The following TNFRSF10B variants were observed in gnomAD, a reference collection of about 807,000 sequenced individuals.
TNFRSF10B encodes the protein tumor necrosis factor receptor superfamily member 10B.
TNFRSF10B carries 35 observed loss-of-function variants against 41.4 expected under a neutral mutation model. The observed-to-expected ratio is 0.85, with a 90% confidence interval of 0.65 to 1.12. The LOEUF (loss-of-function observed/expected upper bound fraction) is 1.12. Among genes scored for constraint, TNFRSF10B ranks in the 50% most tolerant of loss-of-function variants. The pLI, the probability that TNFRSF10B is intolerant of heterozygous loss-of-function variation, is 0.00. For missense variants in TNFRSF10B, 584 were observed against 552.7 expected, an observed-to-expected ratio of 1.06 and a Z score of -0.57; for synonymous variants, 230 against 215.5, an observed-to-expected ratio of 1.07 and a Z score of -0.59.
At position 23,034,718 on chromosome 8, in the gene TNFRSF10B, C is replaced by A. The variant is rs1014468047; in HGVS notation, c.251-3846G>T. On this transcript the variant is annotated intron_variant, in intron 2 of 8. Transcript: ENST00000276431. ...TCCAGCCTGGGTGACAGAGTGATACCCTGCCTGTAAAGCACAAAAAAACAA... is the reference window on the plus strand; with the variant it reads ...TCCAGCCTGGGTGACAGAGTGATACACTGCCTGTAAAGCACAAAAAAACAA... Among the ~76,000 whole-genome samples the A allele has an allele frequency of 4.6e-5, 7 of 152,142 alleles. No homozygotes were observed. In the East Asian group the frequency reaches 1.3e-3, roughly 29 times the overall value.
At chr8:23,027,467 G>A in intron 6 of TNFRSF10B, 179 bp from the exon 7 acceptor site, 2 of 848,900 alleles carry the variant, frequency 2.4e-6, no homozygotes, top group Non-Finnish European at 3.7e-6. Context: ...CCCCAGTGCT[G>A]TGCTCAGGCA....
In TNFRSF10B at chr8:23,022,507, A is replaced by G; in HGVS notation, c.*164T>C. 1 of 752,338 alleles carries G rather than the reference A, an allele frequency of 1.3e-6. No homozygotes were observed. Among genetic ancestry groups the G allele is most frequent in the Non-Finnish European group, 2.3e-6 (1 of 430,528 alleles). The allele number at this position is 752,338 out of a possible 1,614,324, so 46.6% of individuals were successfully genotyped here. A position where few individuals can be genotyped will look rare whatever the true frequency, so the allele number is the denominator to read the frequency against. On this transcript the variant is annotated 3_prime_UTR_variant, in exon 9 of 9. Coordinates refer to ENST00000276431, the MANE Select transcript of TNFRSF10B (RefSeq NM_003842.5). ...AAAAATAATGCCAAGTGCAGTGAAA[A>G]GTTACAGGATGTTCCATCCACTGGG... is the stretch of plus-strand genomic sequence containing the variant.
intron 1 of TNFRSF10B, among the ~76,000 whole-genome samples, chr8:23,055,131 C>A (rs968331707): frequency 5.9e-5 from 9 of 151,898 alleles, no homozygotes; most frequent in Admixed American, 5.2e-4. Context: ...TTTCCTTTTT[C>A]TTTTCCTTTT....
intron 1 of TNFRSF10B, among the ~76,000 whole-genome samples, chr8:23,055,754 T>C (rs1193306948): frequency 6.6e-6 from 1 of 152,126 alleles, no homozygotes; most frequent in Non-Finnish European, 1.5e-5. Context: ...CAAACCTCCA[T>C]GGTTTAGCAG....
chr8:23,034,795 G>C (rs1389353396), intron 2 of TNFRSF10B, among the ~76,000 whole-genome samples: 1 of 152,204 alleles, frequency 6.6e-6, no homozygotes, highest in Non-Finnish European at 1.5e-5. Context: ...CACCATCCAG[G>C]ATGCATCTGT....
chr8:23,068,865 G>A lies in TNFRSF10B; in HGVS notation c.30C>T (p.Ala10=). The part of the protein sequence containing the change: MEQRGQNAP[A]ASGARKRHGP... ...CGTGCCTTTTCCGGGCCCCCGAAGC[G>A]GCCGGGGCGTTCTGTCCCCGTTGTT... The change falls in exon 1 of 9, where the codon GCC becomes GCT. Residue 10 remains alanine, a synonymous_variant. Transcript: ENST00000276431. The A allele has an allele frequency of 1.2e-6, 2 of 1,613,494 alleles. No homozygotes were observed. The highest frequency in any genetic ancestry group is 1.3e-5 in the African/African-American group (1 of 75,064).
intron 2 of TNFRSF10B, among the ~76,000 whole-genome samples, chr8:23,034,522 T>A (rs979901788): frequency 5.3e-5 from 8 of 151,978 alleles, no homozygotes; most frequent in African/African-American, 1.9e-4. Flanking sequence ...AGGCCAGGGG[T>A]TTAAGACCAG....
chr8:23,051,200 A>AAAAT (rs71206565), intron 1 of TNFRSF10B, among the ~76,000 whole-genome samples: 36,570 of 152,074 alleles, frequency 0.24, 4,584 homozygotes, highest in Non-Finnish European at 0.25. Context: ...GGCTCAAAGA[A>AAAAT]AAAAGCACTT....
In TNFRSF10B at chr8:23,051,621, T is replaced by C. The variant is rs187236351; in HGVS notation, c.145-8378A>G. On this transcript the variant is annotated intron_variant, in intron 1 of 8. Transcript: ENST00000276431. ...ATGCAGTGGCGCGATCTCGGCTCAC[T>C]GCAAGCTCTGCCTCCCGGGTTCACG... Among the ~76,000 whole-genome samples, 289 of 152,076 alleles carry C rather than the reference T, an allele frequency of 1.9e-3. 4 individuals carry two copies. The South Asian group carries it at 0.024, about 13-fold the overall frequency.
intron 1 of TNFRSF10B, among the ~76,000 whole-genome samples, chr8:23,064,509 G>A (rs1380543766): frequency 1.3e-5 from 2 of 152,096 alleles, no homozygotes; most frequent in Non-Finnish European, 2.9e-5. Context: ...GGGTGTCCAT[G>A]GGCATGGTTA....
chr8:23,020,390 G>T lies in TNFRSF10B; in HGVS notation c.*2281C>A, dbSNP rs1415952188. On this transcript the variant is annotated 3_prime_UTR_variant, in exon 9 of 9. Coordinates refer to ENST00000276431, the MANE Select transcript of TNFRSF10B (RefSeq NM_003842.5). ...ACCCCCAATTATTTCATGTCGTCAG[G>T]AAGCTTACTTTAAAAGAATAGCTTG... 1 of 454,072 alleles carries T rather than the reference G, an allele frequency of 2.2e-6. No individual in the cohort carries two copies. Among genetic ancestry groups the T allele is most frequent in the Non-Finnish European group, 4.4e-6 (1 of 226,786 alleles). 28.1% of individuals were successfully genotyped at this position (454,072 alleles called of 1,614,324 possible). A position where few individuals can be genotyped will look rare whatever the true frequency, so the allele number is the denominator to read the frequency against.
rs747404396 is a variant in TNFRSF10B, at chr8:23,068,748, C to T, written c.144+3G>A. The T allele has an allele frequency of 5.1e-6, 8 of 1,577,546 alleles. No homozygotes were observed. The highest frequency in any genetic ancestry group is 1.3e-5 in the African/African-American group (1 of 74,146). ...CCAGCCAGGGACCGCGGCGGGGACTCACCAACAGCAGGACCGCGGCGACAA... is the reference window on the plus strand; with the variant it reads ...CCAGCCAGGGACCGCGGCGGGGACTTACCAACAGCAGGACCGCGGCGACAA... On this transcript the variant is annotated splice_donor_region_variant and intron_variant, in intron 1 of 8. Transcript: ENST00000276431.
chr8:23,040,326 CAA>C (rs1563314018), intron 2 of TNFRSF10B, among the ~76,000 whole-genome samples: 1 of 53,756 alleles, frequency 1.9e-5, no homozygotes, highest in South Asian at 5.3e-4. Flanking sequence ...AATATATATA[CAA>C]AATATATATT....
chr8:23,036,071 A>T (rs1392065954), intron 2 of TNFRSF10B, among the ~76,000 whole-genome samples: 1 of 117,676 alleles, frequency 8.5e-6, no homozygotes, highest in Non-Finnish European at 2.1e-5. Flanking sequence ...TGGAGCAAAG[A>T]CTTGCCATCC....
At chr8:23,038,667 A>G (rs1410368684) in intron 2 of TNFRSF10B, among the ~76,000 whole-genome samples, 1 of 152,156 alleles carries the variant, frequency 6.6e-6, no homozygotes, top group Admixed American at 6.5e-5. Context: ...TCTTCTGGAG[A>G]AAGGGTTAGT....
Position 23,021,475 on chromosome 8 carries a change from G to A in TNFRSF10B, c.*1196C>T. ...CCTTGATGCCATGGCAGACGTGGGA[G>A]ACAGATTTTGTCTTCTATCTCCTGA... On this transcript the variant is annotated 3_prime_UTR_variant, in exon 9 of 9. Coordinates refer to ENST00000276431, the MANE Select transcript of TNFRSF10B (RefSeq NM_003842.5). 1 of 454,028 alleles carries A rather than the reference G, an allele frequency of 2.2e-6. No individual in the cohort carries two copies. The highest frequency in any genetic ancestry group is 6.9e-5 in the East Asian group (1 of 14,408). The allele number at this position is 454,028 out of a possible 1,614,324, so 28.1% of individuals were successfully genotyped here.
chr8:23,027,106 A>G, intron 7 of TNFRSF10B, 27 bp downstream of exon 7: 1 of 1,613,522 alleles, frequency 6.2e-7, no homozygotes, highest in Non-Finnish European at 8.5e-7. Context: ...GCATGCCAGG[A>G]AACAAAATGA....
At position 23,027,764 on chromosome 8, in the gene TNFRSF10B, A is replaced by C. The variant is rs1176333464; in HGVS notation, c.749-11T>G. 6.2e-7 allele frequency: 1 copy of C among 1,614,064 alleles called. No individual in the cohort carries two copies. Among genetic ancestry groups the C allele is most frequent in the Admixed American group, 1.7e-5 (1 of 60,014 alleles). ...GGTCCCCACCACCACCTAAAAAAGA[A>C]GCAGTCTCCTTAGCAGGAAGGGAGG... On this transcript the variant is annotated splice_polypyrimidine_tract_variant and intron_variant, in intron 5 of 8. Transcript: ENST00000276431.
Position 23,021,002 on chromosome 8 carries a change from A to G in TNFRSF10B, c.*1669T>C. Reference sequence around the variant, plus strand: ...AAACTCCACAGACACAACAGTCTGAATGTGTGATCTTCAGGCAATTCTAAC... The same window carrying G: ...AAACTCCACAGACACAACAGTCTGAGTGTGTGATCTTCAGGCAATTCTAAC... On this transcript the variant is annotated 3_prime_UTR_variant, in exon 9 of 9. Coordinates refer to ENST00000276431, the MANE Select transcript of TNFRSF10B (RefSeq NM_003842.5). 2 of 454,126 alleles carry G rather than the reference A, an allele frequency of 4.4e-6. No individual in the cohort carries two copies. Among genetic ancestry groups the G allele is most frequent in the Non-Finnish European group, 8.8e-6 (2 of 226,792 alleles). The allele number at this position is 454,126 out of a possible 1,614,324, so 28.1% of individuals were successfully genotyped here. A position where few individuals can be genotyped will look rare whatever the true frequency, so the allele number is the denominator to read the frequency against.
Sources: allele counts gnomAD v4.1 joint callset (sites outside exome capture counted in the v4.1 genomes callset), GRCh38; gene constraint gnomAD v4.1.1; transcripts MANE v1.5; gene names NCBI Gene and HGNC (gene_info 2026-07-23, HGNC 2026-07-21).